The following CCSER1 variants were observed in gnomAD, a reference collection of about 807,000 sequenced individuals.
CCSER1 encodes coiled-coil serine rich protein 1, also known as serine-rich coiled-coil domain-containing protein 1.
A neutral mutation model predicts 82.0 loss-of-function variants in CCSER1; 41 were observed. The ratio of observed to expected loss-of-function variants is 0.50; its 90% CI spans 0.39 to 0.65. CCSER1 has a LOEUF of 0.65. CCSER1 is among the 30% of genes least tolerant of loss of function. The pLI is 0.00. For synonymous variants in CCSER1, 414 were observed against 383.9 expected (o/e 1.08, Z -0.92); for missense variants, 1,119 against 1,064.2 (o/e 1.05, Z -0.72).
intron 3 of CCSER1, among the ~76,000 whole-genome samples, chr4:90,315,766 G>T (rs1433904660): frequency 1.3e-5 from 2 of 152,194 alleles, no homozygotes; most frequent in Non-Finnish European, 2.9e-5. Context: ...ACCTCCCAAA[G>T]TGCTGGGATT....
chr4:91,216,021 C>A (rs1218496794), intron 10 of CCSER1, among the ~76,000 whole-genome samples: 3 of 152,166 alleles, frequency 2.0e-5, no homozygotes, highest in African/African-American at 7.2e-5. Flanking sequence ...TGTTCTGAAT[C>A]TCATACACTT....
intron 8 of CCSER1, among the ~76,000 whole-genome samples, chr4:90,912,225 A>G (rs186929045): frequency 6.6e-6 from 1 of 152,246 alleles, no homozygotes; most frequent in East Asian, 1.9e-4. Context: ...TGGGAGGCTA[A>G]TTATGTGTCT....
rs114680669 is a variant in CCSER1, at chr4:90,529,330, A to G, written c.1724+60976A>G. 7.1e-3 allele frequency among the ~76,000 whole-genome samples: 1,085 copies of G among 152,130 alleles called. 7 individuals carry two copies. The highest frequency in any genetic ancestry group is 0.018 in the African/African-American group (747 of 41,528). On this transcript the variant is annotated intron_variant, in intron 5 of 10. Coordinates refer to ENST00000509176, the MANE Select transcript of CCSER1 (RefSeq NM_001145065.2). ...CTCAGGATCAAGTAATTCTCATTCC[A>G]CAACCTCTCATGCCTCAGCCTCTTG...
intron 3 of CCSER1, among the ~76,000 whole-genome samples, chr4:90,373,379 T>A (rs1747775387): frequency 6.6e-6 from 1 of 152,086 alleles, no homozygotes; most frequent in Non-Finnish European, 1.5e-5. Flanking sequence ...AGCAGTGGGA[T>A]TAGTATGTGG....
At chr4:91,218,927 TAAAGC>T (rs1737513127) in intron 10 of CCSER1, among the ~76,000 whole-genome samples, 1 of 152,142 alleles carries the variant, frequency 6.6e-6, no homozygotes, top group Non-Finnish European at 1.5e-5. Context: ...GATACAAACC[TAAAGC>T]AACTGTGGCC....
intron 3 of CCSER1, among the ~76,000 whole-genome samples, chr4:90,359,827 G>GTA (rs1189329874): frequency 1.3e-5 from 2 of 149,824 alleles, no homozygotes; most frequent in South Asian, 2.1e-4. Context: ...ATAGATATGT[G>GTA]TATATATATG....
chr4:90,142,955 A>T (rs997002977), intron 1 of CCSER1, among the ~76,000 whole-genome samples: 2 of 152,182 alleles, frequency 1.3e-5, no homozygotes, highest in Non-Finnish European at 2.9e-5. Flanking sequence ...CATATATTGC[A>T]ATAGCAGGAG....
intron 1 of CCSER1, among the ~76,000 whole-genome samples, chr4:90,194,686 C>T (rs1439649132): frequency 1.3e-5 from 2 of 151,938 alleles, no homozygotes; most frequent in Admixed American, 6.6e-5. Context: ...ACCTGTCAAT[C>T]CCTGTGGATA....
chr4:91,563,235 A>G (rs1242162425), intron 10 of CCSER1, among the ~76,000 whole-genome samples: 3 of 151,768 alleles, frequency 2.0e-5, no homozygotes, highest in South Asian at 2.1e-4. Context: ...AGAAAATTAC[A>G]TGCCAATATC....
At chr4:91,187,735 T>C (rs1207181948) in intron 10 of CCSER1, among the ~76,000 whole-genome samples, 1 of 152,158 alleles carries the variant, frequency 6.6e-6, no homozygotes, top group East Asian at 1.9e-4. Flanking sequence ...GTGTTTTTAG[T>C]AGAGCTGTGG....
At chr4:91,225,987 A>G (rs549550307) in intron 10 of CCSER1, among the ~76,000 whole-genome samples, 3 of 152,018 alleles carry the variant, frequency 2.0e-5, no homozygotes, top group African/African-American at 7.2e-5. Flanking sequence ...ACAGACAAAA[A>G]CATTAGCAGA....
intron 3 of CCSER1, among the ~76,000 whole-genome samples, chr4:90,386,367 C>T (rs964207730): frequency 3.3e-5 from 5 of 152,098 alleles, no homozygotes; most frequent in Non-Finnish European, 5.9e-5. Flanking sequence ...AGCAATTGAT[C>T]TTCTACAAAG....
At position 90,230,102 on chromosome 4, in the gene CCSER1, A is replaced by G. The variant is rs180731155; in HGVS notation, c.-41-78142A>G. Among the ~76,000 whole-genome samples the G allele has an allele frequency of 4.9e-4, 74 of 152,322 alleles. 2 individuals are homozygous for G. The East Asian group carries it at 0.013, about 27-fold the overall frequency. On this transcript the variant is annotated intron_variant, in intron 1 of 10. Coordinates refer to ENST00000509176, the MANE Select transcript of CCSER1 (RefSeq NM_001145065.2). ...GCAAGGATATCCAGGAGTTGGACTC[A>G]GCTCTGCACCAAGCGGACCTAATAG...
rs544442700 is a variant in CCSER1 at position 90,691,667 on chromosome 4, A to G, written c.1933-32247A>G. On this transcript the variant is annotated intron_variant, in intron 6 of 10. Coordinates refer to ENST00000509176, the MANE Select transcript of CCSER1 (RefSeq NM_001145065.2). ...TGTATATATACACACATGCATATGT[A>G]CGTGTGTATCTATGTGTATATATAT... Among the ~76,000 whole-genome samples the G allele has an allele frequency of 6.0e-5, 9 of 149,412 alleles. No homozygotes were observed. In the East Asian group the frequency reaches 1.6e-3, roughly 26 times the overall value.
intron 1 of CCSER1, among the ~76,000 whole-genome samples, chr4:90,135,757 A>G (rs969168747): frequency 6.6e-6 from 1 of 152,232 alleles, no homozygotes; most frequent in Non-Finnish European, 1.5e-5. Flanking sequence ...ATAGTCATGC[A>G]TCATCATTGA....
At chr4:90,918,186 G>A (rs1253503825) in intron 8 of CCSER1, 1 of 441,362 alleles carries the variant, frequency 2.3e-6, no homozygotes, top group Non-Finnish European at 4.5e-6. Context: ...ACTAGTGTCT[G>A]TTAATTGTAT....
At chr4:91,227,164 T>G (rs894491398) in intron 10 of CCSER1, among the ~76,000 whole-genome samples, 2 of 151,934 alleles carry the variant, frequency 1.3e-5, no homozygotes, top group Non-Finnish European at 2.9e-5. Flanking sequence ...TACAATTTAA[T>G]TTTAGTTAGT....
At chr4:90,913,316 A>G (rs187571998) in intron 8 of CCSER1, among the ~76,000 whole-genome samples, 3 of 152,358 alleles carry the variant, frequency 2.0e-5, no homozygotes, top group Middle Eastern at 3.4e-3. Flanking sequence ...TGCAAGCCAG[A>G]AGAGAGAGGG....
chr4:90,424,922 A>G (rs191678965), intron 4 of CCSER1, among the ~76,000 whole-genome samples: 1 of 152,246 alleles, frequency 6.6e-6, no homozygotes, highest in Non-Finnish European at 1.5e-5. Flanking sequence ...ATTTGAAACC[A>G]GGTGTCACTA....
Sources: gnomAD v4.1 joint callset for allele counts (sites outside exome capture counted in the v4.1 genomes callset) on GRCh38, gnomAD v4.1.1 for gene constraint, MANE v1.5 for transcripts, NCBI Gene and HGNC (gene_info 2026-07-23, HGNC 2026-07-21) for gene names.